The following RNF214 variants were observed in gnomAD, a reference collection of about 807,000 sequenced individuals.
The protein encoded by RNF214 is ring finger protein 214.
Under a neutral mutation model 75.9 loss-of-function variants are expected in RNF214, and 25 were observed. The ratio of observed to expected loss-of-function variants is 0.33; its 90% CI spans 0.24 to 0.46. The LOEUF is 0.46. Ranked by LOEUF, RNF214 falls within the 20% of genes least tolerant of loss-of-function variation. The pLI is 1.00. For synonymous variants in RNF214, 314 were observed against 308.8 expected (o/e 1.02, Z -0.18); for missense variants, 725 against 857.5 (o/e 0.85, Z 1.93).
intron 6 of RNF214, among the ~76,000 whole-genome samples, chr11:117,276,100 AT>A (rs990821195): frequency 6.6e-6 from 1 of 152,176 alleles, no homozygotes; most frequent in African/African-American, 2.4e-5. Context: ...AAGTCAATAA[AT>A]GTGATTCACC....
chr11:117,248,810 G>C (rs922196747), intron 6 of RNF214, among the ~76,000 whole-genome samples: 1 of 152,236 alleles, frequency 6.6e-6, no homozygotes, highest in Non-Finnish European at 1.5e-5. Flanking sequence ...GTGTGAGGAA[G>C]ATGACCATAG....
At chr11:117,236,025 A>G (rs563572022) in intron 2 of RNF214, among the ~76,000 whole-genome samples, 5 of 151,764 alleles carry the variant, frequency 3.3e-5, no homozygotes, top group African/African-American at 9.7e-5. Flanking sequence ...CAGTGGTGCG[A>G]TCTTGGCTCA....
chr11:117,275,266 G>A (rs1039198685), intron 6 of RNF214, among the ~76,000 whole-genome samples: 2 of 152,090 alleles, frequency 1.3e-5, no homozygotes, highest in African/African-American at 4.8e-5. Flanking sequence ...GCAATACTAA[G>A]AGGGAAGTTT....
intron 3 of RNF214, 146 bp downstream of exon 3, chr11:117,239,257 A>G: frequency 1.4e-6 from 1 of 702,526 alleles, no homozygotes; most frequent in East Asian, 2.6e-5. Context: ...CTACTCTCAT[A>G]CAGTGCCATA....
In RNF214 at chr11:117,281,416, T is replaced by A; in HGVS notation, c.1236+12T>A. On this transcript the variant is annotated intron_variant, in intron 9 of 14. Coordinates refer to ENST00000300650, the MANE Select transcript of RNF214 (RefSeq NM_207343.4). Reference sequence around the variant, plus strand: ...AAAAGAATGTTCGTGTAAGTGTATCTATGAGTCATCATTCAGTCAGTGTTA... The same window carrying A: ...AAAAGAATGTTCGTGTAAGTGTATCAATGAGTCATCATTCAGTCAGTGTTA... 2 of 1,590,224 alleles carry A rather than the reference T, an allele frequency of 1.3e-6. No homozygotes were observed. Among genetic ancestry groups the A allele is most frequent in the Non-Finnish European group, 1.7e-6 (2 of 1,158,276 alleles).
In RNF214 at chr11:117,239,845, T is replaced by C; in HGVS notation, c.663T>C (p.Asp221=). 4 of 1,555,082 alleles carry C rather than the reference T, an allele frequency of 2.6e-6. No individual in the cohort carries two copies. Among genetic ancestry groups the C allele is most frequent in the Non-Finnish European group, 2.7e-6 (3 of 1,126,596 alleles). ...TADSEVNTDQ[D]IEKNLDKMMT... is the part of the protein sequence containing the mutation. ...ATTCAGAGGTAAACACAGATCAAGA[T>C]ATTGAAAAGAATTTGGTAAGTATTT... The change falls in exon 4 of 15, where the codon GAT becomes GAC. Residue 221 remains aspartate (D), a synonymous_variant. Transcript: ENST00000300650.
At chr11:117,261,807 A>G (rs1390540658) in intron 6 of RNF214, among the ~76,000 whole-genome samples, 3 of 150,850 alleles carry the variant, frequency 2.0e-5, no homozygotes, top group Non-Finnish European at 4.4e-5. Context: ...CACCATGCCC[A>G]GCTAATTTTT....
At chr11:117,254,360 T>G (rs886578351) in intron 6 of RNF214, among the ~76,000 whole-genome samples, 2 of 152,174 alleles carry the variant, frequency 1.3e-5, no homozygotes, top group Non-Finnish European at 2.9e-5. Context: ...TCAAGTGTCC[T>G]TCTGACTTTG....
intron 6 of RNF214, among the ~76,000 whole-genome samples, chr11:117,254,684 C>T (rs1451648927): frequency 6.6e-6 from 1 of 151,774 alleles, no homozygotes. Flanking sequence ...AGTCCAGTGG[C>T]ACGATCTCAG....
chr11:117,284,406 A>C (rs1004356763), intron 14 of RNF214, among the ~76,000 whole-genome samples: 62 of 152,200 alleles, frequency 4.1e-4, no homozygotes, highest in African/African-American at 1.3e-3. Flanking sequence ...AACTGAATTT[A>C]CATCTAAATT....
intron 6 of RNF214, among the ~76,000 whole-genome samples, chr11:117,251,856 ATTTTT>A (rs564017489): frequency 9.1e-4 from 139 of 152,222 alleles, no homozygotes; most frequent in African/African-American, 3.2e-3. Flanking sequence ...TTTGCATTTT[ATTTTT>A]ATTTTATTTT....
chr11:117,242,544 G>A (rs572924494), intron 4 of RNF214, among the ~76,000 whole-genome samples: 33 of 152,228 alleles, frequency 2.2e-4, no homozygotes, highest in African/African-American at 7.9e-4. Context: ...TGGTAGTGAG[G>A]TCCACATGCT....
chr11:117,245,570 C>T (rs2033198492), intron 5 of RNF214, among the ~76,000 whole-genome samples: 1 of 151,976 alleles, frequency 6.6e-6, no homozygotes. Flanking sequence ...TCTCGATCTC[C>T]TGACCTCATG....
chr11:117,250,764 T>TTCC (rs1344821017), intron 6 of RNF214, among the ~76,000 whole-genome samples: 5 of 143,576 alleles, frequency 3.5e-5, no homozygotes, highest in African/African-American at 2.6e-5. Flanking sequence ...CCCTGCGGCC[T>TTCC]TCCGCAGTGT....
chr11:117,246,429 A>G (rs2033228692), intron 5 of RNF214, among the ~76,000 whole-genome samples: 1 of 152,206 alleles, frequency 6.6e-6, no homozygotes, highest in Non-Finnish European at 1.5e-5. Flanking sequence ...GAAACAAGAC[A>G]ATATTTGTTG....
chr11:117,251,696 G>T (rs938242332), intron 6 of RNF214, among the ~76,000 whole-genome samples: 1 of 152,158 alleles, frequency 6.6e-6, no homozygotes, highest in Non-Finnish European at 1.5e-5. Flanking sequence ...CCGGCAGGGG[G>T]CTCAGAGATG....
chr11:117,270,250 T>C (rs959023824), intron 6 of RNF214, among the ~76,000 whole-genome samples: 22 of 103,668 alleles, frequency 2.1e-4, no homozygotes, highest in Non-Finnish European at 3.4e-4. Context: ...TCTTTTTTTT[T>C]TTTTTTTTTT....
intron 6 of RNF214, among the ~76,000 whole-genome samples, chr11:117,257,853 G>A (rs895383388): frequency 5.9e-5 from 9 of 152,208 alleles, no homozygotes; most frequent in Admixed American, 5.2e-4. Flanking sequence ...GTTGAGTGTT[G>A]TGATGCTATT....
At chr11:117,281,454 C>G in intron 9 of RNF214, 50 bp downstream of exon 9, 1 of 1,482,252 alleles carries the variant, frequency 6.7e-7, no homozygotes, top group South Asian at 1.1e-5. Context: ...CTGTGCTTAA[C>G]ACTTCCAGCA....
Sources: allele counts gnomAD v4.1 joint callset (sites outside exome capture counted in the v4.1 genomes callset), GRCh38; gene constraint gnomAD v4.1.1; transcripts MANE v1.5; gene names NCBI Gene and HGNC (gene_info 2026-07-23, HGNC 2026-07-21).